The following KDM5D variants were observed in gnomAD, a reference collection of about 807,000 sequenced individuals.
The protein encoded by KDM5D is lysine demethylase 5D.
KDM5D carries 25 observed loss-of-function variants against 31.9 expected under a neutral mutation model. The observed-to-expected ratio is 0.78, with a 90% CI of 0.57 to 1.09. KDM5D has a LOEUF of 1.09. Among genes scored for constraint, KDM5D ranks in the 50% least tolerant of loss-of-function variants. KDM5D has a pLI of 0.00. For synonymous variants in KDM5D, 146 were observed against 122.3 expected, an observed-to-expected ratio of 1.19 and a Z score of -1.28; for missense variants, 366 against 341.6, an observed-to-expected ratio of 1.07 and a Z score of -0.56.
chrY:19,713,797 G>T (rs2045315805), intron 18 of KDM5D, among the ~76,000 whole-genome samples: 1 of 33,183 alleles, frequency 3.0e-5, no homozygotes, highest in African/African-American at 1.2e-4. Flanking sequence ...CCCATTACTG[G>T]GTATATACCC....
chrY:19,713,300 C>T, intron 18 of KDM5D, among the ~76,000 whole-genome samples: 1 of 33,828 alleles, frequency 3.0e-5, no homozygotes, highest in African/African-American at 1.2e-4. Context: ...CAAAAATTGA[C>T]ACGAGTCCTA....
At chrY:19,722,323 C>T in intron 11 of KDM5D, 1 of 32,861 alleles carries the variant, frequency 3.0e-5, no homozygotes, top group African/African-American at 1.2e-4. Flanking sequence ...CCTGGATATC[C>T]ACATGCAAAA....
intron 19 of KDM5D, 24 bp downstream of exon 19, chrY:19,710,352 C>A: frequency 2.7e-6 from 1 of 373,376 alleles, no homozygotes; most frequent in Non-Finnish European, 3.8e-6. Flanking sequence ...AACAAGAATT[C>A]CACCTTTCCA....
intron 11 of KDM5D, among the ~76,000 whole-genome samples, chrY:19,723,810 G>A (rs2045411225): frequency 2.9e-5 from 1 of 33,977 alleles, no homozygotes; most frequent in South Asian, 6.5e-4. Flanking sequence ...AAATAGGTAA[G>A]TGGGACCTAA....
At position 19,735,378 on chromosome Y, in the gene KDM5D, G is replaced by A; in HGVS notation, c.907C>T (p.Arg303Ter). 1 of 397,845 alleles carries A rather than the reference G, an allele frequency of 2.5e-6. No individual in the cohort carries two copies. The highest frequency in any genetic ancestry group is 3.5e-6 in the Non-Finnish European group (1 of 282,801). ...EPCTKTTMQL[R>*]KNHSSAQFID... ...AACTGGGCACTGCTGTGATTCTTTC[G>A]AAGTTGCATGGTTGTCTTAGTGCAG... is the stretch of plus-strand genomic sequence containing the variant. The change falls in exon 8 of 27, where the codon CGA becomes TGA. Residue 303 changes from arginine (R) to a stop codon, truncating the protein, a stop_gained. Coordinates refer to ENST00000317961, the MANE Select transcript of KDM5D (RefSeq NM_004653.5). LOFTEE classifies it high-confidence loss of function.
intron 11 of KDM5D, among the ~76,000 whole-genome samples, chrY:19,724,776 T>G: frequency 3.0e-5 from 1 of 33,121 alleles, no homozygotes; most frequent in African/African-American, 1.2e-4. Flanking sequence ...GAAGTCAAAT[T>G]GTCTCTGTTT....
intron 19 of KDM5D, 78 bp from the exon 20 acceptor site, chrY:19,709,887 C>A: frequency 2.7e-6 from 1 of 371,201 alleles, no homozygotes; most frequent in Non-Finnish European, 3.8e-6. Context: ...CACTTCTCAT[C>A]TTCTCTTATA....
rs1336027684 is a variant in KDM5D, at chrY:19,707,689, G to A, written c.3457C>T (p.Arg1153Cys). ...KEKEGILQLR[R>C]TNSAKPSPLA... is the part of the protein sequence containing the mutation. ...GGACTGGGCTTGGCTGAGTTGGTGCGACGCAGCTGCAGGATACCCTCCTTC... is the reference window on the plus strand; with the variant it reads ...GGACTGGGCTTGGCTGAGTTGGTGCAACGCAGCTGCAGGATACCCTCCTTC... The change falls in exon 24 of 27, where the codon CGC becomes TGC. Residue 1153 changes from arginine to cysteine, a missense_variant. Physicochemically the swap from Arg to Cys is radical, Grantham distance 180. Transcript: ENST00000317961. 1 of 395,797 alleles carries A rather than the reference G, an allele frequency of 2.5e-6. No individual in the cohort carries two copies. The highest frequency in any genetic ancestry group is 3.5e-6 in the Non-Finnish European group (1 of 281,719).
chrY:19,734,851 T>C, intron 8 of KDM5D, among the ~76,000 whole-genome samples: 1 of 32,651 alleles, frequency 3.1e-5, no homozygotes, highest in Non-Finnish European at 7.5e-5. Flanking sequence ...TTTTTTTTTT[T>C]CTTGTAGTGC....
chrY:19,723,126 C>A, intron 11 of KDM5D, among the ~76,000 whole-genome samples: 2 of 33,363 alleles, frequency 6.0e-5, no homozygotes, highest in African/African-American at 2.3e-4. Context: ...AACAAAAAGA[C>A]CAATGGAACA....
chrY:19,716,627 G>C lies in KDM5D; in HGVS notation c.1805C>G (p.Ala602Gly). Residue 602 changes from alanine (A) to glycine (G), a missense_variant, in exon 14 of 27, where the codon GCT (alanine) becomes GGT (glycine). Ala to Gly is a moderately conservative substitution (Grantham distance 60). Coordinates refer to ENST00000317961, the MANE Select transcript of KDM5D (RefSeq NM_004653.5). Reference protein sequence around the residue: ...HSGFNQGYNFAEAVNFCTADW... With the variant: ...HSGFNQGYNFGEAVNFCTADW... ...AGCAGTACAAAAGTTGACAGCTTCA[G>C]CAAAATTGTAGCCTTGGTTAAAACC... is the stretch of plus-strand genomic sequence containing the variant. 2.5e-6 allele frequency: 1 copy of C among 398,952 alleles called. No individual in the cohort carries two copies. The highest frequency in any genetic ancestry group is 3.5e-6 in the Non-Finnish European group (1 of 283,304).
At chrY:19,739,786 G>A (rs764382941) in intron 5 of KDM5D, 124 bp from the exon 6 acceptor site, 1 of 164,831 alleles carries the variant, frequency 6.1e-6, no homozygotes, top group South Asian at 5.5e-5. Context: ...CACTCCTCTT[G>A]TTCTTTGGAT....
chrY:19,741,955 T>C, intron 3 of KDM5D, 98 bp from the exon 4 acceptor site: 1 of 192,180 alleles, frequency 5.2e-6, no homozygotes, highest in Non-Finnish European at 8.2e-6. Context: ...CTATCTACAC[T>C]TCTCCACCAA....
Position 19,744,507 on chromosome Y carries a change from G to A in KDM5D, c.28C>T (p.Pro10Ser). Residue 10 changes from proline to serine, a missense_variant, in exon 2 of 27, where the codon CCG (proline) becomes TCG (serine). Coordinates refer to ENST00000317961, the MANE Select transcript of KDM5D (RefSeq NM_004653.5). ...TCAAAAACCGGGCACTCCGGTGGCG[G>A]CAGGAACTCGTCACACCCCGGTTCC... MEPGCDEFLPPPECPVFEPS... is the reference protein window; with the variant it reads MEPGCDEFLSPPECPVFEPS... 2 of 395,906 alleles carry A rather than the reference G, an allele frequency of 5.1e-6. No individual in the cohort carries two copies. The highest frequency in any genetic ancestry group is 9.2e-5 in the East Asian group (1 of 10,816).
At chrY:19,719,482 C>CT (rs2045377577) in intron 13 of KDM5D, among the ~76,000 whole-genome samples, 1 of 33,363 alleles carries the variant, frequency 3.0e-5, no homozygotes, top group Non-Finnish European at 7.4e-5. Context: ...TCAGAAAACT[C>CT]TAAGACATGT....
At position 19,709,649 on chromosome Y, in the gene KDM5D, G is replaced by A; in HGVS notation, c.2744C>T (p.Ala915Val). The change falls in exon 20 of 27, where the codon GCG becomes GTG. Residue 915 changes from alanine to valine, a missense_variant. Physicochemically the swap from Ala to Val is moderately conservative, Grantham distance 64 (BLOSUM62 0). Coordinates refer to ENST00000317961, the MANE Select transcript of KDM5D (RefSeq NM_004653.5). Reference sequence around the variant, plus strand: ...CTGCTTCACTTCATCTAGCCATTGCGCCTGCTCCACCTGCTGCTGAAGCTG... The same window carrying A: ...CTGCTTCACTTCATCTAGCCATTGCACCTGCTCCACCTGCTGCTGAAGCTG... ...AHQLQQQVEQ[A>V]QWLDEVKQAL... 1.0e-5 allele frequency: 4 copies of A among 397,124 alleles called. No homozygotes were observed. Among genetic ancestry groups the A allele is most frequent in the South Asian group, 3.0e-5 (1 of 33,509 alleles).
At chrY:19,738,925 T>C (rs773224399) in intron 6 of KDM5D, among the ~76,000 whole-genome samples, 1 of 34,083 alleles carries the variant, frequency 2.9e-5, no homozygotes, top group Non-Finnish European at 7.3e-5. Flanking sequence ...CAATATAGGC[T>C]ATGGCCTAGG....
At position 19,741,761 on chromosome Y, in the gene KDM5D, T is replaced by A; in HGVS notation, c.325A>T (p.Ile109Phe). Residue 109 changes from isoleucine (I) to phenylalanine (F), a missense_variant, in exon 4 of 27, where the codon ATC becomes TTC. Ile to Phe is a conservative substitution (Grantham distance 21). Transcript: ENST00000317961. ...SLKIPNVERK[I>F]LDLYSLSKIV... Reference sequence around the variant, plus strand: ...TTACTAAGGCTGTAGAGGTCCAAGATCTTCCGCTCCACATTGGGAATCTTT... The same window carrying A: ...TTACTAAGGCTGTAGAGGTCCAAGAACTTCCGCTCCACATTGGGAATCTTT... The A allele has an allele frequency of 2.5e-6, 1 of 392,852 alleles. No individual in the cohort carries two copies. Among genetic ancestry groups the A allele is most frequent in the Non-Finnish European group, 3.6e-6 (1 of 278,238 alleles).
chrY:19,710,848 G>C (rs2045292719), intron 18 of KDM5D, among the ~76,000 whole-genome samples: 4 of 33,496 alleles, frequency 1.2e-4, no homozygotes, highest in African/African-American at 4.7e-4. Flanking sequence ...GATGGTTTAA[G>C]TTATATTTTC....
Sources: gnomAD v4.1 joint callset for allele counts (sites outside exome capture counted in the v4.1 genomes callset) on GRCh38, gnomAD v4.1.1 for gene constraint, MANE v1.5 for transcripts, NCBI Gene and HGNC (gene_info 2026-07-23, HGNC 2026-07-21) for gene names.